The following PMFBP1 variants were observed in gnomAD, a reference collection of about 807,000 sequenced individuals.
PMFBP1 encodes polyamine-modulated factor 1-binding protein 1.
In PMFBP1, 131 loss-of-function variants were observed where a neutral mutation model predicts 137.8. The observed-to-expected ratio is 0.95, with a 90% CI of 0.82 to 1.10. PMFBP1 has a LOEUF of 1.10. PMFBP1 is among the 50% of genes least tolerant of loss of function. PMFBP1 has a pLI of 0.00. For synonymous variants in PMFBP1, 490 were observed against 450.4 expected, an observed-to-expected ratio of 1.09 and a Z score of -1.11; for missense variants, 1,199 against 1,175.4, an observed-to-expected ratio of 1.02 and a Z score of -0.29.
intron 1 of PMFBP1, chr16:72,171,549 G>T: frequency 3.0e-6 from 1 of 328,354 alleles, no homozygotes; most frequent in Non-Finnish European, 5.7e-6. Context: ...TCTGAATCGA[G>T]TTTACTTTTT....
chr16:72,179,289 G>C (rs1346478514), upstream of PMFBP1, among the ~76,000 whole-genome samples: 1 of 152,178 alleles, frequency 6.6e-6, no homozygotes, highest in Non-Finnish European at 1.5e-5. Context: ...AGAGCCCCTG[G>C]TGCTATGGGA....
At chr16:72,121,484 A>G (rs1383409397) in intron 19 of PMFBP1, among the ~76,000 whole-genome samples, 1 of 152,256 alleles carries the variant, frequency 6.6e-6, no homozygotes, top group African/African-American at 2.4e-5. Context: ...ACCTAAGGCC[A>G]AAGCCTAGAA....
At chr16:72,140,928 C>CTTTTTGTTTTTTTT (rs2042710716) in intron 5 of PMFBP1, among the ~76,000 whole-genome samples, 1 of 69,786 alleles carries the variant, frequency 1.4e-5, no homozygotes, top group Non-Finnish European at 2.6e-5. Flanking sequence ...ACAAATGAGT[C>CTTTTTGTTTTTTTT]TTTTTTTTTT....
the PMFBP1 span, among the ~76,000 whole-genome samples, chr16:72,238,867 G>T: frequency 1.3e-5 from 2 of 152,062 alleles, no homozygotes; most frequent in Non-Finnish European, 1.5e-5. Flanking sequence ...TTGGTGGGGT[G>T]GGCGTTACTG....
At chr16:72,233,635 G>A in the PMFBP1 span, among the ~76,000 whole-genome samples, 1 of 152,072 alleles carries the variant, frequency 6.6e-6, no homozygotes, top group African/African-American at 2.4e-5. Flanking sequence ...TGTGGTACAT[G>A]TACACAACGT....
At chr16:72,176,152 A>G (rs2043258899), upstream of PMFBP1, among the ~76,000 whole-genome samples, 1 of 152,216 alleles carries the variant, frequency 6.6e-6, no homozygotes, top group African/African-American at 2.4e-5. Context: ...ACTGAGCCAC[A>G]GTCCAATTCC....
chr16:72,125,006 G>GGGT, intron 16 of PMFBP1, 72 bp from the exon 17 acceptor site: 1 of 1,562,998 alleles, frequency 6.4e-7, no homozygotes, highest in Non-Finnish European at 8.7e-7. Flanking sequence ...CAAGGCCAGA[G>GGGT]GGTGCTTCCT....
the PMFBP1 span, among the ~76,000 whole-genome samples, chr16:72,189,634 A>C: frequency 6.6e-6 from 1 of 152,230 alleles, no homozygotes; most frequent in Non-Finnish European, 1.5e-5. Flanking sequence ...AGGAAAACCA[A>C]GCCATTCTTT....
intron 3 of PMFBP1, among the ~76,000 whole-genome samples, chr16:72,156,299 T>C (rs1218174366): frequency 6.6e-6 from 1 of 151,476 alleles, no homozygotes; most frequent in African/African-American, 2.4e-5. Context: ...ATAATGTTTT[T>C]GAGGTTCATC....
At chr16:72,230,181 T>A in the PMFBP1 span, among the ~76,000 whole-genome samples, 12 of 152,176 alleles carry the variant, frequency 7.9e-5, no homozygotes, top group Admixed American at 7.9e-4. Context: ...GGCACTAGGA[T>A]AATAGAGTTC....
intron 4 of PMFBP1, among the ~76,000 whole-genome samples, chr16:72,151,707 C>A (rs1321526100): frequency 6.6e-6 from 1 of 152,180 alleles, no homozygotes; most frequent in African/African-American, 2.4e-5. Context: ...TGTAAGGTGT[C>A]TACTACGTAA....
chr16:72,192,627 C>T, the PMFBP1 span, among the ~76,000 whole-genome samples: 1 of 152,076 alleles, frequency 6.6e-6, no homozygotes, highest in East Asian at 1.9e-4. Context: ...GTGGCTTGCA[C>T]CTGTAATCTC....
At chr16:72,186,145 G>A in the PMFBP1 span, among the ~76,000 whole-genome samples, 3 of 152,234 alleles carry the variant, frequency 2.0e-5, no homozygotes, top group Admixed American at 2.0e-4. Flanking sequence ...AGACTACTCT[G>A]GTCCAGTCAA....
chr16:72,153,154 A>G (rs1333436699), intron 4 of PMFBP1, among the ~76,000 whole-genome samples: 2 of 152,222 alleles, frequency 1.3e-5, no homozygotes, highest in African/African-American at 4.8e-5. Flanking sequence ...CTAAGTTTTA[A>G]CACAGCCCTG....
chr16:72,196,558 A>G, the PMFBP1 span, among the ~76,000 whole-genome samples: 1 of 152,258 alleles, frequency 6.6e-6, no homozygotes, highest in African/African-American at 2.4e-5. Context: ...AAAGAGTGGT[A>G]TCTGTTCTAC....
the PMFBP1 span, among the ~76,000 whole-genome samples, chr16:72,198,899 C>T: frequency 6.7e-6 from 1 of 149,848 alleles, no homozygotes; most frequent in Non-Finnish European, 1.5e-5. Flanking sequence ...AGCTTATCAG[C>T]TTCTATGAAG....
intron 5 of PMFBP1, among the ~76,000 whole-genome samples, chr16:72,147,264 C>G (rs895708558): frequency 4.6e-5 from 7 of 151,846 alleles, no homozygotes; most frequent in African/African-American, 1.7e-4. Context: ...ACAAAAACAA[C>G]CAATGGGGAA....
At chr16:72,136,346 C>A (rs561173220) in intron 9 of PMFBP1, 102 bp downstream of exon 9, 13 of 1,370,860 alleles carry the variant, frequency 9.5e-6, no homozygotes, top group East Asian at 2.3e-5. Flanking sequence ...TGTGTTGAGG[C>A]TCCCAAAGCA....
chr16:72,119,075 G>A (rs1304265976), downstream of PMFBP1: 15 of 405,338 alleles, frequency 3.7e-5, no homozygotes, highest in South Asian at 4.8e-4. Flanking sequence ...TCTGCTAGAC[G>A]CCAACAGCTC....
Sources: gnomAD v4.1 joint callset for allele counts (sites outside exome capture counted in the v4.1 genomes callset) on GRCh38, gnomAD v4.1.1 for gene constraint, MANE v1.5 for transcripts, NCBI Gene and HGNC (gene_info 2026-07-23, HGNC 2026-07-21) for gene names.